NEK6: variants seen among roughly 807,000 people sequenced by gnomAD.
NEK6 encodes serine/threonine-protein kinase Nek6.
In NEK6, 27 loss-of-function variants were observed where a neutral mutation model predicts 43.5. The ratio of observed to expected loss-of-function variants is 0.62; its 90% confidence interval spans 0.46 to 0.86. The LOEUF (loss-of-function observed/expected upper bound fraction) is 0.86. Among genes scored for constraint, NEK6 ranks in the 40% least tolerant of loss-of-function variants. The pLI, the probability that NEK6 is intolerant of heterozygous loss-of-function variation, is 0.00. For missense variants in NEK6, 318 were observed against 414.4 expected, an observed-to-expected ratio of 0.77 and a Z score of 2.02; for synonymous variants, 167 against 164.1, an observed-to-expected ratio of 1.02 and a Z score of -0.14.
chr9:124,283,712 T>G (rs982639653), intron 1 of NEK6, among the ~76,000 whole-genome samples: 1 of 152,232 alleles, frequency 6.6e-6, no homozygotes, highest in African/African-American at 2.4e-5. Context: ...CGCACAGGGC[T>G]TGCCTCACCT....
chr9:124,258,288 C>G, intron 1 of NEK6: 3 of 985,076 alleles, frequency 3.0e-6, no homozygotes, highest in Non-Finnish European at 3.6e-6. Context: ...GGCGGCGTGT[C>G]CGCGTGTCCC....
rs1830334736 is a variant in NEK6, at chr9:124,352,865, C to T, written c.*1918C>T. The T allele has an allele frequency of 6.6e-6, 1 of 152,420 alleles. No homozygotes were observed. Among genetic ancestry groups the T allele is most frequent in the African/African-American group, 2.4e-5 (1 of 41,468 alleles). The allele number at this position is 152,420 out of a possible 1,614,324, so 9.4% of individuals were successfully genotyped here. A position where few individuals can be genotyped will look rare whatever the true frequency, so the allele number is the denominator to read the frequency against. Reference sequence around the variant, plus strand: ...CCAGCCCCAGCACGCAATCAACCTACTTTGTGCATGCCACCCGCTTTCCAC... The same window carrying T: ...CCAGCCCCAGCACGCAATCAACCTATTTTGTGCATGCCACCCGCTTTCCAC... On this transcript the variant is annotated 3_prime_UTR_variant, in exon 10 of 10. Transcript: ENST00000320246.
rs1231887053 is a variant in NEK6 at position 124,351,718 on chromosome 9, G to A, written c.*771G>A. 5 of 152,188 alleles carry A rather than the reference G, an allele frequency of 3.3e-5. No homozygotes were observed. Among genetic ancestry groups the A allele is most frequent in the East Asian group, 1.9e-4 (1 of 5,198 alleles). 9.4% of individuals were successfully genotyped at this position (152,188 alleles called of 1,614,324 possible). ...AAGGAAGCATGGGATATAGAAAAGC[G>A]AAGGGCTGTCCTTTACAAATTCTGG... On this transcript the variant is annotated 3_prime_UTR_variant, in exon 10 of 10. Transcript: ENST00000320246.
chr9:124,260,843 G>T (rs974322906), intron 1 of NEK6, among the ~76,000 whole-genome samples: 1 of 152,206 alleles, frequency 6.6e-6, no homozygotes, highest in Non-Finnish European at 1.5e-5. Context: ...GAGAGAATGC[G>T]CCAAAGACCA....
intron 2 of NEK6, among the ~76,000 whole-genome samples, chr9:124,308,400 C>T (rs755057114): frequency 2.9e-4 from 44 of 152,102 alleles, no homozygotes; most frequent in Non-Finnish European, 5.4e-4. Flanking sequence ...ACCTGTAATC[C>T]CAGCACTTTG....
At chr9:124,329,963 G>T (rs1415838591) in intron 7 of NEK6, among the ~76,000 whole-genome samples, 1 of 152,250 alleles carries the variant, frequency 6.6e-6, no homozygotes, top group Admixed American at 6.5e-5. Context: ...TACTATGTGG[G>T]GATGCTGTGG....
At chr9:124,285,833 G>A (rs1832133010) in intron 1 of NEK6, among the ~76,000 whole-genome samples, 1 of 152,182 alleles carries the variant, frequency 6.6e-6, no homozygotes, top group Non-Finnish European at 1.5e-5. Context: ...CATACTGTAA[G>A]CCTCAGTTTT....
At chr9:124,310,437 C>T (rs1271672075) in intron 2 of NEK6, among the ~76,000 whole-genome samples, 1 of 152,168 alleles carries the variant, frequency 6.6e-6, no homozygotes, top group East Asian at 1.9e-4. Flanking sequence ...CCCTCCAGAT[C>T]GGGTCCTCTG....
chr9:124,325,679 C>T (rs1172105530), intron 5 of NEK6, among the ~76,000 whole-genome samples: 1 of 152,206 alleles, frequency 6.6e-6, no homozygotes, highest in African/African-American at 2.4e-5. Flanking sequence ...TCAGTGTGGC[C>T]GGGGACCTTT....
chr9:124,279,884 C>T (rs751254466), intron 1 of NEK6, among the ~76,000 whole-genome samples: 9 of 152,262 alleles, frequency 5.9e-5, no homozygotes, highest in Non-Finnish European at 8.8e-5. Context: ...AGGGGAAGGC[C>T]TTCTCTCTCT....
intron 1 of NEK6, among the ~76,000 whole-genome samples, chr9:124,284,805 C>T (rs1832080677): frequency 6.6e-6 from 1 of 152,154 alleles, no homozygotes; most frequent in African/African-American, 2.4e-5. Flanking sequence ...CAGGATCTGC[C>T]GAGATTCATC....
chr9:124,314,677 T>G (rs952903808), intron 4 of NEK6, among the ~76,000 whole-genome samples: 5 of 151,864 alleles, frequency 3.3e-5, no homozygotes, highest in Non-Finnish European at 7.4e-5. Flanking sequence ...TTTCTTTTGT[T>G]TTTTTTTGAG....
At chr9:124,300,341 G>A (rs866379676) in intron 1 of NEK6, among the ~76,000 whole-genome samples, 29 of 152,260 alleles carry the variant, frequency 1.9e-4, no homozygotes, top group African/African-American at 5.8e-4. Context: ...GTGACAGCCC[G>A]GAGGGTGTTG....
intron 8 of NEK6, among the ~76,000 whole-genome samples, chr9:124,346,740 C>G (rs1475994244): frequency 6.6e-6 from 1 of 152,182 alleles, no homozygotes; most frequent in Non-Finnish European, 1.5e-5. Context: ...CTTGAGGAGT[C>G]CCCTGTGAGT....
intron 1 of NEK6, among the ~76,000 whole-genome samples, chr9:124,284,473 G>C (rs957566854): frequency 6.6e-6 from 1 of 152,240 alleles, no homozygotes; most frequent in Non-Finnish European, 1.5e-5. Flanking sequence ...ATGGGAGCGT[G>C]GCAGCGACCA....
intron 4 of NEK6, among the ~76,000 whole-genome samples, chr9:124,320,699 C>T (rs1834022536): frequency 6.6e-6 from 1 of 152,254 alleles, no homozygotes; most frequent in African/African-American, 2.4e-5. Flanking sequence ...CCATGCTCCA[C>T]TGCAGCAAAC....
intron 1 of NEK6, among the ~76,000 whole-genome samples, chr9:124,288,128 A>G (rs1393734278): frequency 2.0e-5 from 3 of 152,260 alleles, no homozygotes; most frequent in African/African-American, 7.2e-5. Context: ...CCAGGTCCAC[A>G]GGCCCAAAGG....
chr9:124,262,630 G>A (rs1831076789), intron 1 of NEK6, among the ~76,000 whole-genome samples: 1 of 152,242 alleles, frequency 6.6e-6, no homozygotes, highest in Non-Finnish European at 1.5e-5. Context: ...GGCCACCACC[G>A]CTGTAGCTGT....
intron 9 of NEK6, among the ~76,000 whole-genome samples, chr9:124,348,922 C>T (rs189978945): frequency 1.3e-5 from 2 of 152,370 alleles, no homozygotes; most frequent in African/African-American, 4.8e-5. Flanking sequence ...GGATCTGAAC[C>T]CACATGCGCA....
Sources: gnomAD v4.1 joint callset for allele counts (sites outside exome capture counted in the v4.1 genomes callset) on GRCh38, gnomAD v4.1.1 for gene constraint, MANE v1.5 for transcripts, NCBI Gene and HGNC (gene_info 2026-07-23, HGNC 2026-07-21) for gene names.